The following TMEM167A variants were observed in gnomAD, a reference collection of about 807,000 sequenced individuals.
The protein encoded by TMEM167A is protein kish-A.
In TMEM167A, 8 loss-of-function variants were observed where a neutral mutation model predicts 11.6. The ratio of observed to expected loss-of-function variants is 0.69; its 90% confidence interval spans 0.40 to 1.24. The LOEUF (loss-of-function observed/expected upper bound fraction) is 1.24. Among genes scored for constraint, TMEM167A ranks in the 50% most tolerant of loss-of-function variants. The pLI is 0.01. For synonymous variants in TMEM167A, 22 were observed against 28.0 expected (o/e 0.79, Z 0.67); for missense variants, 62 against 87.0 (o/e 0.71, Z 1.14).
chr5:83,068,959 T>C (rs1326238905), intron 1 of TMEM167A, among the ~76,000 whole-genome samples: 2 of 152,156 alleles, frequency 1.3e-5, no homozygotes, highest in African/African-American at 4.8e-5. Flanking sequence ...ATATGAGGGT[T>C]CATTATAGGC....
intron 2 of TMEM167A, among the ~76,000 whole-genome samples, chr5:83,063,911 GA>G (rs67216017): frequency 0.32 from 47,994 of 151,762 alleles, 8,839 homozygotes; most frequent in Non-Finnish European, 0.42. Flanking sequence ...TTTAAACAGT[GA>G]AGTCATCAAG....
At chr5:83,068,388 G>A (rs1483345396) in intron 1 of TMEM167A, among the ~76,000 whole-genome samples, 1 of 152,096 alleles carries the variant, frequency 6.6e-6, no homozygotes, top group Non-Finnish European at 1.5e-5. Flanking sequence ...TTTTATTCAT[G>A]ATTGTTATTA....
At chr5:83,064,656 C>G (rs1439923540) in intron 2 of TMEM167A, among the ~76,000 whole-genome samples, 1 of 151,968 alleles carries the variant, frequency 6.6e-6, no homozygotes. Context: ...ATAAATTCAA[C>G]AGGACTTTAC....
intron 2 of TMEM167A, among the ~76,000 whole-genome samples, chr5:83,063,759 CTTAGT>C (rs1744440252): frequency 6.6e-6 from 1 of 151,950 alleles, no homozygotes; most frequent in Non-Finnish European, 1.5e-5. Context: ...AATTACGTTG[CTTAGT>C]TATTATGGCT....
chr5:83,062,082 G>A, intron 2 of TMEM167A, 171 bp from the exon 3 acceptor site: 1 of 564,668 alleles, frequency 1.8e-6, no homozygotes, highest in Non-Finnish European at 3.2e-6. Flanking sequence ...ATGTATGAAA[G>A]TAGGACACAA....
chr5:83,073,778 C>T lies in TMEM167A; in HGVS notation c.3+3543G>A, dbSNP rs1181943956. 2.6e-5 allele frequency among the ~76,000 whole-genome samples: 4 copies of T among 152,316 alleles called. No individual in the cohort carries two copies. In the South Asian group the frequency reaches 8.3e-4, roughly 32 times the overall value. ...GGGAATGGAGTTTCTTCCTCATACA[C>T]GTTATTGAGGATCTGCTGTATTTCT... On this transcript the variant is annotated intron_variant, in intron 1 of 3. Transcript: ENST00000502346.
chr5:83,074,846 C>A (rs929961734), intron 1 of TMEM167A, among the ~76,000 whole-genome samples: 2 of 152,096 alleles, frequency 1.3e-5, no homozygotes, highest in African/African-American at 4.8e-5. Context: ...TCTCGACACA[C>A]CGCAACCTCC....
In TMEM167A at chr5:83,055,793, T is replaced by C. The variant is rs150174600; in HGVS notation, c.*1291A>G. 2.0e-5 allele frequency: 3 copies of C among 150,876 alleles called. No homozygotes were observed. The highest frequency in any genetic ancestry group is 7.3e-5 in the African/African-American group (3 of 40,960). 9.3% of individuals were successfully genotyped at this position (150,876 alleles called of 1,614,324 possible). A position where few individuals can be genotyped will look rare whatever the true frequency, so the allele number is the denominator to read the frequency against. ...GCAGAAATAACTACTAGCCTATTAA[T>C]CTAGAAATAATTTTTTTTGTTTAAA... On this transcript the variant is annotated 3_prime_UTR_variant, in exon 4 of 4. Transcript: ENST00000502346.
At chr5:83,069,059 C>T (rs1477288490) in intron 1 of TMEM167A, among the ~76,000 whole-genome samples, 3 of 152,092 alleles carry the variant, frequency 2.0e-5, no homozygotes, top group Non-Finnish European at 2.9e-5. Context: ...TGTGTATATA[C>T]GTTTGTGTGT....
chr5:83,068,639 G>GA (rs200023297), intron 1 of TMEM167A, among the ~76,000 whole-genome samples: 154 of 149,722 alleles, frequency 1.0e-3, no homozygotes, highest in African/African-American at 6.1e-4. Context: ...CTCCAGAAGA[G>GA]AAAAAAAAAT....
rs1744291417 is a variant in TMEM167A at position 83,053,769 on chromosome 5, G to A, written c.*3315C>T. The A allele has an allele frequency of 6.6e-6, 1 of 152,054 alleles. No individual in the cohort carries two copies. Among genetic ancestry groups the A allele is most frequent in the East Asian group, 1.9e-4 (1 of 5,196 alleles). 9.4% of individuals were successfully genotyped at this position (152,054 alleles called of 1,614,324 possible). On this transcript the variant is annotated 3_prime_UTR_variant, in exon 4 of 4. Coordinates refer to ENST00000502346, the MANE Select transcript of TMEM167A (RefSeq NM_174909.5). ...CACAATGCTCTCAAGTTCAGCTTAAGCAGTGCTCCTCTGGAAGTTCACACC... is the reference window on the plus strand; with the variant it reads ...CACAATGCTCTCAAGTTCAGCTTAAACAGTGCTCCTCTGGAAGTTCACACC...
At chr5:83,060,357 A>G (rs1385430587) in intron 3 of TMEM167A, among the ~76,000 whole-genome samples, 1 of 152,166 alleles carries the variant, frequency 6.6e-6, no homozygotes, top group African/African-American at 2.4e-5. Context: ...GTTAAGCATA[A>G]ATTCAAAGTT....
intron 1 of TMEM167A, among the ~76,000 whole-genome samples, chr5:83,071,586 T>C (rs1237122577): frequency 4.6e-5 from 7 of 152,166 alleles, no homozygotes; most frequent in East Asian, 1.9e-4. Flanking sequence ...CAAACACACA[T>C]ATATATAATT....
intron 1 of TMEM167A, among the ~76,000 whole-genome samples, chr5:83,077,087 T>C (rs1475386029): frequency 6.6e-6 from 1 of 152,194 alleles, no homozygotes; most frequent in Non-Finnish European, 1.5e-5. Context: ...CATTTTTTTT[T>C]CCTAAACAAA....
At chr5:83,069,642 A>G (rs1744532866) in intron 1 of TMEM167A, among the ~76,000 whole-genome samples, 1 of 152,056 alleles carries the variant, frequency 6.6e-6, no homozygotes, top group Non-Finnish European at 1.5e-5. Context: ...CACTATACCA[A>G]GCAGAGTCAG....
chr5:83,068,386 A>G (rs1002933522), intron 1 of TMEM167A, among the ~76,000 whole-genome samples: 3 of 152,320 alleles, frequency 2.0e-5, no homozygotes, highest in Non-Finnish European at 2.9e-5. Flanking sequence ...AATTTTATTC[A>G]TGATTGTTAT....
chr5:83,072,920 T>A (rs1744584825), intron 1 of TMEM167A, among the ~76,000 whole-genome samples: 3 of 152,194 alleles, frequency 2.0e-5, no homozygotes, highest in Admixed American at 1.3e-4. Context: ...ACTATTTTTA[T>A]AATACTAAGA....
At chr5:83,076,553 A>G (rs1270619115) in intron 1 of TMEM167A, among the ~76,000 whole-genome samples, 10 of 152,236 alleles carry the variant, frequency 6.6e-5, no homozygotes. Context: ...TTATTGCTAT[A>G]TGGGATTCTG....
Position 83,056,554 on chromosome 5 carries a change from T to C in TMEM167A, c.*530A>G, listed in dbSNP as rs1344546332. On this transcript the variant is annotated 3_prime_UTR_variant, in exon 4 of 4. Transcript: ENST00000502346. ...AGCTTGTTTTAAATATTTTAAATAC[T>C]TGTCATAAACTAGAGTTTGCTAAGA... 7 of 154,238 alleles carry C rather than the reference T, an allele frequency of 4.5e-5. No homozygotes were observed. The highest frequency in any genetic ancestry group is 8.6e-5 in the Non-Finnish European group (6 of 69,602). The allele number at this position is 154,238 out of a possible 1,614,324, so 9.6% of individuals were successfully genotyped here. A position where few individuals can be genotyped will look rare whatever the true frequency, so the allele number is the denominator to read the frequency against.
Sources: gnomAD v4.1 joint callset for allele counts (sites outside exome capture counted in the v4.1 genomes callset) on GRCh38, gnomAD v4.1.1 for gene constraint, MANE v1.5 for transcripts, NCBI Gene and HGNC (gene_info 2026-07-23, HGNC 2026-07-21) for gene names.